The following NOX4 variants were observed in gnomAD, a reference collection of about 807,000 sequenced individuals.
NOX4 encodes kidney oxidase-1.
A neutral mutation model predicts 87.6 loss-of-function variants in NOX4; 69 were observed. The ratio of observed to expected loss-of-function variants is 0.79; its 90% confidence interval spans 0.65 to 0.96. The LOEUF is 0.96. Among genes scored for constraint, NOX4 ranks in the 40% least tolerant of loss-of-function variants. The pLI is 0.00. For synonymous variants in NOX4, 275 were observed against 238.2 expected (o/e 1.15, Z -1.42); for missense variants, 680 against 681.5 (o/e 1.00, Z 0.02).
the NOX4 span, among the ~76,000 whole-genome samples, chr11:89,586,665 G>T: frequency 6.6e-6 from 1 of 152,068 alleles, no homozygotes; most frequent in Non-Finnish European, 1.5e-5. Context: ...TGCAACATCA[G>T]GTAATAATAA....
At chr11:89,446,159 G>C (rs905374505) in intron 4 of NOX4, among the ~76,000 whole-genome samples, 2 of 151,984 alleles carry the variant, frequency 1.3e-5, no homozygotes, top group Non-Finnish European at 1.5e-5. Flanking sequence ...AAAATGACAA[G>C]TTACCACTAC....
chr11:89,461,303 T>C (rs140088270), intron 2 of NOX4, among the ~76,000 whole-genome samples: 3,273 of 151,552 alleles, frequency 0.022, 112 homozygotes, highest in African/African-American at 0.07. Context: ...AAACTTAAAG[T>C]ATAATTAAAA....
At chr11:89,478,224 A>T (rs1023019050) in intron 2 of NOX4, among the ~76,000 whole-genome samples, 2 of 152,118 alleles carry the variant, frequency 1.3e-5, no homozygotes, top group African/African-American at 4.8e-5. Flanking sequence ...CTTATAAGCG[A>T]TATATTAGGT....
chr11:89,456,766 G>C (rs1056130949), intron 2 of NOX4, among the ~76,000 whole-genome samples: 2 of 152,186 alleles, frequency 1.3e-5, no homozygotes, highest in African/African-American at 4.8e-5. Flanking sequence ...CAGGATTCCA[G>C]CCTGTGCAGA....
chr11:89,364,541 T>C (rs2135019566), intron 12 of NOX4, among the ~76,000 whole-genome samples: 1 of 152,172 alleles, frequency 6.6e-6, no homozygotes, highest in African/African-American at 2.4e-5. Flanking sequence ...TATACTGTCT[T>C]ACATAAGGGG....
intron 14 of NOX4, among the ~76,000 whole-genome samples, chr11:89,340,888 C>A (rs963100827): frequency 6.6e-6 from 1 of 151,874 alleles, no homozygotes; most frequent in African/African-American, 2.4e-5. Context: ...CAGAAAGTAC[C>A]AAATTTACAT....
the NOX4 span, among the ~76,000 whole-genome samples, chr11:89,560,165 A>G: frequency 6.6e-6 from 1 of 152,130 alleles, no homozygotes; most frequent in Non-Finnish European, 1.5e-5. Flanking sequence ...TGAAGATAAA[A>G]ACACACAGGG....
At chr11:89,425,843 C>A (rs1943367659) in intron 7 of NOX4, among the ~76,000 whole-genome samples, 1 of 152,076 alleles carries the variant, frequency 6.6e-6, no homozygotes, top group South Asian at 2.1e-4. Flanking sequence ...TTGGCAATTA[C>A]TTTCAAAGCA....
chr11:89,538,653 T>C, the NOX4 span, among the ~76,000 whole-genome samples: 4 of 152,174 alleles, frequency 2.6e-5, no homozygotes, highest in Non-Finnish European at 4.4e-5. Flanking sequence ...GTTTGGGGTT[T>C]CATTATGTAT....
the NOX4 span, among the ~76,000 whole-genome samples, chr11:89,542,008 A>G: frequency 6.6e-6 from 1 of 151,690 alleles, no homozygotes; most frequent in Non-Finnish European, 1.5e-5. Flanking sequence ...ACAGAGTCTC[A>G]CCATGTTTTC....
chr11:89,335,898 T>G lies in NOX4; in HGVS notation c.1563A>C (p.Ile521=). The G allele has an allele frequency of 6.2e-7, 1 of 1,601,820 alleles. No individual in the cohort carries two copies. The highest frequency in any genetic ancestry group is 1.3e-5 in the African/African-American group (1 of 74,532). The change falls in exon 17 of 18, where the codon ATA becomes ATC. Residue 521 remains isoleucine (I), a synonymous_variant. Coordinates refer to ENST00000263317, the MANE Select transcript of NOX4 (RefSeq NM_016931.5). ...KYHALNSRLF[I]GRPRWKLLFD... ...ACAAAAGTTTCCACCGAGGACGTCC[T>G]ATAAACAGTCTTGAATTCAGTGCAT...
At chr11:89,554,011 GAC>G in the NOX4 span, among the ~76,000 whole-genome samples, 1 of 151,812 alleles carries the variant, frequency 6.6e-6, no homozygotes, top group Non-Finnish European at 1.5e-5. Context: ...ATTTCAAAGA[GAC>G]AGCTTCCAGG....
intron 3 of NOX4, 64 bp downstream of exon 3, chr11:89,451,721 T>G: frequency 8.9e-7 from 1 of 1,119,510 alleles, no homozygotes; most frequent in Non-Finnish European, 1.4e-6. Context: ...GTAAACAAAC[T>G]AACATGCGAC....
chr11:89,347,875 A>C (rs1388017041), intron 13 of NOX4, among the ~76,000 whole-genome samples: 3 of 152,182 alleles, frequency 2.0e-5, no homozygotes. Context: ...GTACCTCTCT[A>C]GTTTCATGAG....
intron 1 of NOX4, among the ~76,000 whole-genome samples, chr11:89,497,336 C>T (rs540408805): frequency 6.6e-5 from 10 of 152,242 alleles, no homozygotes; most frequent in East Asian, 3.9e-4. Flanking sequence ...TCTTAATACC[C>T]GAATCCATGT....
the NOX4 span, among the ~76,000 whole-genome samples, chr11:89,582,352 A>G: frequency 2.0e-5 from 3 of 152,142 alleles, no homozygotes; most frequent in Non-Finnish European, 4.4e-5. Context: ...ACATGAAAGT[A>G]CAGATATCTC....
At chr11:89,436,684 T>C (rs948884085) in intron 6 of NOX4, among the ~76,000 whole-genome samples, 2 of 152,280 alleles carry the variant, frequency 1.3e-5, no homozygotes, top group Admixed American at 6.6e-5. Flanking sequence ...TTATCCTATT[T>C]TACTAACATA....
chr11:89,503,634 C>T, the NOX4 span, among the ~76,000 whole-genome samples: 22 of 151,594 alleles, frequency 1.5e-4, no homozygotes, highest in East Asian at 3.7e-3. Flanking sequence ...TCCTGACTTC[C>T]ACTGAACCCT....
At chr11:89,560,594 G>T in the NOX4 span, among the ~76,000 whole-genome samples, 1 of 152,008 alleles carries the variant, frequency 6.6e-6, no homozygotes, top group East Asian at 1.9e-4. Flanking sequence ...TGACTGAATG[G>T]GGAAAGATCT....
Sources: gnomAD v4.1 joint callset for allele counts (sites outside exome capture counted in the v4.1 genomes callset) on GRCh38, gnomAD v4.1.1 for gene constraint, MANE v1.5 for transcripts, NCBI Gene and HGNC (gene_info 2026-07-23, HGNC 2026-07-21) for gene names.